Variants in MX2 observed in about 807,000 individuals in gnomAD.
MX2 encodes interferon-induced GTP-binding protein Mx2.
In MX2, 51 loss-of-function variants were observed where a neutral mutation model predicts 74.0. The observed-to-expected ratio is 0.69, with a 90% CI of 0.55 to 0.87. The LOEUF is 0.87. Among genes scored for constraint, MX2 ranks in the 40% least tolerant of loss-of-function variants. The pLI, the probability that MX2 is intolerant of heterozygous loss-of-function variation, is 0.00. For missense variants in MX2, 832 were observed against 908.7 expected, an observed-to-expected ratio of 0.92 and a Z score of 1.09; for synonymous variants, 369 against 339.3, an observed-to-expected ratio of 1.09 and a Z score of -0.96.
At chr21:41,399,742 T>A (rs1201838757) in intron 10 of MX2, 2 of 161,086 alleles carry the variant, frequency 1.2e-5, no homozygotes, top group African/African-American at 4.8e-5. Flanking sequence ...ATTTTTGTAC[T>A]TTTTTGTAGA....
Position 41,395,613 on chromosome 21 carries a change from G to A in MX2, c.898G>A (p.Asp300Asn), listed in dbSNP as rs778263106. Residue 300 changes from aspartate to asparagine, a missense_variant, in exon 7 of 14, where the codon GAC (aspartate) becomes AAC (asparagine). Coordinates refer to ENST00000330714, the MANE Select transcript of MX2 (RefSeq NM_002463.2). ...TATCCTGACCAAACCAGATCTAATG[G>A]ACAGGGGCACTGAGAAAAGCGTCAT... is the stretch of plus-strand genomic sequence containing the variant. The part of the protein sequence containing the change: ...IGILTKPDLM[D>N]RGTEKSVMNV... 7.4e-6 allele frequency: 12 copies of A among 1,614,006 alleles called. No individual in the cohort carries two copies. The highest frequency in any genetic ancestry group is 1.3e-5 in the African/African-American group (1 of 74,900).
intron 7 of MX2, 119 bp downstream of exon 7, chr21:41,395,904 C>A: frequency 2.1e-6 from 2 of 940,538 alleles, no homozygotes; most frequent in Admixed American, 2.7e-5. Context: ...TATAACCTAG[C>A]CTCACCTGAT....
rs1341949082 is a variant in MX2, at chr21:41,401,980, T to C, written c.1425T>C (p.Ile475=). ...TGTTTGATGTTGCAGTTAAAAATAT[T>C]ATCCACGAAGAAGTTGAAAAATATG... ...LATNTQKVKN[I]IHEEVEKYEK... is the part of the protein sequence containing the mutation. The change falls in exon 11 of 14, where the codon ATT becomes ATC. Residue 475 remains isoleucine (I), a synonymous_variant. Transcript: ENST00000330714. 4 of 1,612,968 alleles carry C rather than the reference T, an allele frequency of 2.5e-6. No homozygotes were observed. Among genetic ancestry groups the C allele is most frequent in the Non-Finnish European group, 3.4e-6 (4 of 1,179,662 alleles).
In MX2 at chr21:41,391,293, T is replaced by C. The variant is rs1024212677; in HGVS notation, c.871+590T>C. Among the ~76,000 whole-genome samples the C allele has an allele frequency of 5.9e-5, 9 of 151,874 alleles. 1 individual carries two copies. The highest frequency in any genetic ancestry group is 2.0e-4 in the Admixed American group (3 of 15,252). ...AAAAGGATCTATTTGAATATTAACA[T>C]CTCCAAGGAAACTTAGTACTACTTT... On this transcript the variant is annotated intron_variant, in intron 6 of 13. Transcript: ENST00000330714.
intron 13 of MX2, 21 bp from the exon 14 acceptor site, chr21:41,407,970 C>T (rs2089908405): frequency 6.2e-7 from 1 of 1,613,696 alleles, no homozygotes; most frequent in Admixed American, 1.7e-5. Flanking sequence ...TCCAGCAAAC[C>T]CTTCTTTCTC....
At chr21:41,386,020 G>T (rs893615823) in intron 5 of MX2, among the ~76,000 whole-genome samples, 1 of 151,780 alleles carries the variant, frequency 6.6e-6, no homozygotes, top group Admixed American at 6.6e-5. Flanking sequence ...AAAGATAAGG[G>T]CTGGGCACAG....
chr21:41,381,749 T>C (rs1375196341), intron 4 of MX2, among the ~76,000 whole-genome samples: 2 of 145,084 alleles, frequency 1.4e-5, no homozygotes, highest in Admixed American at 6.8e-5. Context: ...ATCTTTAGAA[T>C]AGCATCTTGG....
At chr21:41,362,348 G>A (rs2089218396) in intron 1 of MX2, among the ~76,000 whole-genome samples, 1 of 152,074 alleles carries the variant, frequency 6.6e-6, no homozygotes, top group African/African-American at 2.4e-5. Flanking sequence ...ACGCAAAGGG[G>A]TGGTTTTTAG....
rs1366280013 is a variant in MX2 at position 41,397,674 on chromosome 21, C to A, written c.1132C>A (p.Leu378Ile). Residue 378 changes from leucine (L) to isoleucine (I), a missense_variant, in exon 8 of 14, where the codon CTC (leucine) becomes ATC (isoleucine). Coordinates refer to ENST00000330714, the MANE Select transcript of MX2 (RefSeq NM_002463.2). ...PRLAERLTTE[L>I]IMHIQKSLPL... ...ACTGGCAGAAAGACTTACCACTGAACTCATCATGCATATCCAAGTGAGCCA... is the reference window on the plus strand; with the variant it reads ...ACTGGCAGAAAGACTTACCACTGAAATCATCATGCATATCCAAGTGAGCCA... 6.2e-7 allele frequency: 1 copy of A among 1,614,124 alleles called. No individual in the cohort carries two copies. The highest frequency in any genetic ancestry group is 1.3e-5 in the African/African-American group (1 of 75,060).
At chr21:41,396,809 A>G (rs1223190920) in intron 7 of MX2, among the ~76,000 whole-genome samples, 1 of 152,180 alleles carries the variant, frequency 6.6e-6, no homozygotes, top group Non-Finnish European at 1.5e-5. Context: ...CAAAATAATC[A>G]GGCCCATGGT....
chr21:41,366,047 C>G lies in MX2; in HGVS notation c.-72+3992C>G, dbSNP rs1048361507. 1 of 152,304 alleles carries G rather than the reference C, an allele frequency of 6.6e-6. No individual in the cohort carries two copies. The highest frequency in any genetic ancestry group is 1.5e-5 in the Non-Finnish European group (1 of 68,062). 9.4% of individuals were successfully genotyped at this position (152,304 alleles called of 1,614,324 possible). Reference sequence around the variant, plus strand: ...TCTCAACCTTTCTCCATTTGGGCTTCCCTGAGTGGTTCCGTAGTTCATTTA... The same window carrying G: ...TCTCAACCTTTCTCCATTTGGGCTTGCCTGAGTGGTTCCGTAGTTCATTTA... On this transcript the variant is annotated intron_variant, in intron 1 of 13. Transcript: ENST00000330714. The surrounding 1 kb of genome is among the most constrained non-coding windows in gnomAD (Gnocchi z 4.5).
At chr21:41,391,438 G>T (rs1359410567) in intron 6 of MX2, among the ~76,000 whole-genome samples, 1 of 148,106 alleles carries the variant, frequency 6.8e-6, no homozygotes, top group East Asian at 2.0e-4. Context: ...CCAGACTGAA[G>T]TGCAGTGGCA....
chr21:41,406,358 C>T (rs1205563632), intron 12 of MX2, among the ~76,000 whole-genome samples: 1 of 152,204 alleles, frequency 6.6e-6, no homozygotes, highest in African/African-American at 2.4e-5. Context: ...GTATATCACA[C>T]TATTATCCCA....
chr21:41,404,957 C>T (rs1331965320), intron 12 of MX2: 1 of 151,244 alleles, frequency 6.6e-6, no homozygotes, highest in African/African-American at 2.4e-5. Context: ...CTCTGAAACT[C>T]ACTCTCTCAC....
intron 12 of MX2, among the ~76,000 whole-genome samples, chr21:41,406,293 C>G (rs1222197498): frequency 6.6e-6 from 1 of 152,244 alleles, no homozygotes; most frequent in African/African-American, 2.4e-5. Flanking sequence ...CAGCCAACCT[C>G]TTTCTTCCTT....
chr21:41,362,740 G>A (rs1409006436), intron 1 of MX2, among the ~76,000 whole-genome samples: 1 of 113,146 alleles, frequency 8.8e-6, no homozygotes, highest in African/African-American at 3.6e-5. Flanking sequence ...TGATGACGCA[G>A]TTTTTTTTTC....
intron 6 of MX2, among the ~76,000 whole-genome samples, chr21:41,394,832 T>G (rs1363446115): frequency 6.6e-6 from 1 of 151,776 alleles, no homozygotes; most frequent in Admixed American, 6.6e-5. Context: ...TCCCCGCTAC[T>G]CAGGAGGCTG....
chr21:41,397,136 G>A (rs392399), intron 7 of MX2, among the ~76,000 whole-genome samples: 11 of 152,066 alleles, frequency 7.2e-5, no homozygotes, highest in Admixed American at 5.9e-4. Flanking sequence ...CTGCAGCCAC[G>A]CTGCCTGCTG....
At position 41,368,603 on chromosome 21, in the gene MX2, T is replaced by C. The variant is rs1160327152; in HGVS notation, c.-72+6548T>C. 2.0e-5 allele frequency among the ~76,000 whole-genome samples: 3 copies of C among 152,304 alleles called. No individual in the cohort carries two copies. The East Asian group carries it at 5.8e-4, about 29-fold the overall frequency. ...TCCTGTCCTCTCAAACTTAATCAGC[T>C]CATGATACGCTTAGCAAGACCTGCC... On this transcript the variant is annotated intron_variant, in intron 1 of 13. Transcript: ENST00000330714. The surrounding 1 kb of genome is among the most constrained non-coding windows in gnomAD (Gnocchi z 4.6).
Sources: gnomAD v4.1 joint callset for allele counts (sites outside exome capture counted in the v4.1 genomes callset) on GRCh38, gnomAD v4.1.1 for gene constraint, Gnocchi (gnomAD v3.1) non-coding constraint, MANE v1.5 for transcripts, NCBI Gene and HGNC (gene_info 2026-07-23, HGNC 2026-07-21) for gene names.